Variants in TBC1D2 observed in about 807,000 individuals in gnomAD.
The protein encoded by TBC1D2 is TBC1 domain family member 2A.
Under a neutral mutation model 91.1 loss-of-function variants are expected in TBC1D2, and 58 were observed. That is an observed-to-expected ratio of 0.64 (90% confidence interval 0.52 to 0.79). TBC1D2 has a LOEUF of 0.79. TBC1D2 is among the 30% of genes least tolerant of loss of function. The pLI is 0.00. For synonymous variants in TBC1D2, 482 were observed against 511.5 expected (o/e 0.94, Z 0.78); for missense variants, 1,080 against 1,208.3 (o/e 0.89, Z 1.57).
rs528077566 is a variant in TBC1D2 at position 98,252,885 on chromosome 9, A to G, written c.370-959T>C. ...GCAACAGAGGCAAACTCCCTATCTC[A>G]GGGGTTCACTGGTGTGCACTATGCA... On this transcript the variant is annotated intron_variant, in intron 1 of 12. Coordinates refer to ENST00000465784, the MANE Select transcript of TBC1D2 (RefSeq NM_001267571.2). Among the ~76,000 whole-genome samples the G allele has an allele frequency of 5.3e-5, 8 of 152,158 alleles. No homozygotes were observed. The East Asian group carries it at 1.2e-3, about 22-fold the overall frequency.
At chr9:98,251,619 G>T (rs1005986899) in intron 2 of TBC1D2, among the ~76,000 whole-genome samples, 166 bp downstream of exon 2, 2 of 152,162 alleles carry the variant, frequency 1.3e-5, no homozygotes, top group Admixed American at 1.3e-4. Context: ...TTTGAACCCA[G>T]GCAGCCTGGC....
chr9:98,207,250 G>C (rs1828677934), intron 9 of TBC1D2, among the ~76,000 whole-genome samples: 1 of 152,170 alleles, frequency 6.6e-6, no homozygotes, highest in South Asian at 2.1e-4. Flanking sequence ...TTTGAGTAAG[G>C]ACACTGAATG....
intron 2 of TBC1D2, among the ~76,000 whole-genome samples, chr9:98,245,180 C>G (rs558195650): frequency 1.3e-5 from 2 of 152,142 alleles, no homozygotes; most frequent in Non-Finnish European, 2.9e-5. Context: ...GCGGAGCTTG[C>G]AGTGAGCCTA....
chr9:98,255,227 G>A lies in TBC1D2; in HGVS notation c.315C>T (p.Asp105=), dbSNP rs752948956. Residue 105 remains aspartate, a synonymous_variant, in exon 1 of 13, where the codon GAC becomes GAT. Transcript: ENST00000465784. The part of the protein sequence containing the change: ...LSSAVFDCKA[D]AEEGIFEIKT... ...TGATTTCGAAGATCCCCTCCTCAGC[G>A]TCCGCCTTACAGTCAAACACTGCAC... 1.9e-6 allele frequency: 3 copies of A among 1,613,362 alleles called. No homozygotes were observed. The highest frequency in any genetic ancestry group is 1.7e-4 in the Middle Eastern group (1 of 6,056).
chr9:98,210,883 G>A (rs1564237926), intron 7 of TBC1D2, 40 bp from the exon 8 acceptor site: 10 of 1,516,148 alleles, frequency 6.6e-6, no homozygotes, highest in Non-Finnish European at 7.1e-6. Flanking sequence ...CCGGGTGGGA[G>A]CTGGGCCGCC....
Position 98,251,924 on chromosome 9 carries a change from G to C in TBC1D2, c.372C>G (p.Ala124=). 1 of 1,598,246 alleles carries C rather than the reference G, an allele frequency of 6.3e-7. No individual in the cohort carries two copies. The highest frequency in any genetic ancestry group is 2.3e-5 in the East Asian group (1 of 43,192). Residue 124 remains alanine, a splice_region_variant and synonymous_variant, in exon 2 of 13, where the codon GCC becomes GCG. Transcript: ENST00000465784. ...AGTACAGCATCGCTTGCTTGGTGGC[G>C]GCCTGAGAAGCACAAGGATTAGTTG... The part of the protein sequence containing the change: ...KTPSRVITLK[A]ATKQAMLYWL...
intron 3 of TBC1D2, among the ~76,000 whole-genome samples, chr9:98,233,791 T>A (rs185397191): frequency 6.6e-6 from 1 of 152,316 alleles, no homozygotes; most frequent in Non-Finnish European, 1.5e-5. Flanking sequence ...AATACAAGCT[T>A]GACTTCCTTA....
intron 8 of TBC1D2, among the ~76,000 whole-genome samples, chr9:98,210,326 T>C (rs73486581): frequency 0.026 from 3,944 of 152,238 alleles, 176 homozygotes; most frequent in African/African-American, 0.09. Context: ...AAGGCCTTGG[T>C]GCAGAGGAGA....
At chr9:98,229,381 C>T (rs1050906071) in intron 4 of TBC1D2, among the ~76,000 whole-genome samples, 1 of 152,182 alleles carries the variant, frequency 6.6e-6, no homozygotes, top group Non-Finnish European at 1.5e-5. Context: ...AACCACTGGC[C>T]TACATAAACG....
intron 9 of TBC1D2, among the ~76,000 whole-genome samples, chr9:98,206,070 C>T (rs1588029703): frequency 1.3e-5 from 2 of 152,154 alleles, no homozygotes; most frequent in East Asian, 1.9e-4. Context: ...CTCACTGCAA[C>T]CTCTGCCTCC....
chr9:98,233,736 T>C (rs41283620), intron 3 of TBC1D2, among the ~76,000 whole-genome samples, 187 bp from the exon 4 acceptor site: 7,906 of 152,180 alleles, frequency 0.052, 329 homozygotes, highest in East Asian at 0.19. Flanking sequence ...CCTTTACCTA[T>C]CTCTTTCGCA....
At chr9:98,202,562 C>T (rs1272219187) in intron 10 of TBC1D2, among the ~76,000 whole-genome samples, 1 of 152,156 alleles carries the variant, frequency 6.6e-6, no homozygotes, top group Non-Finnish European at 1.5e-5. Flanking sequence ...ATGCCATTGA[C>T]CTACTGAAGG....
chr9:98,234,879 G>T (rs1011596994), intron 3 of TBC1D2: 1 of 209,854 alleles, frequency 4.8e-6, no homozygotes, highest in Non-Finnish European at 1.0e-5. Flanking sequence ...GCTTCGACAC[G>T]AGGAAAGTAA....
At chr9:98,244,282 C>G (rs574428695) in intron 2 of TBC1D2, among the ~76,000 whole-genome samples, 153 bp from the exon 3 acceptor site, 1 of 152,338 alleles carries the variant, frequency 6.6e-6, no homozygotes, top group East Asian at 1.9e-4. Flanking sequence ...TTAACAGCAG[C>G]AAAATAGGCT....
At chr9:98,212,977 C>G (rs1347958372) in intron 7 of TBC1D2, 131 bp downstream of exon 7, 1 of 970,022 alleles carries the variant, frequency 1.0e-6, no homozygotes, top group Non-Finnish European at 1.6e-6. Flanking sequence ...GATATGGGCC[C>G]TGCTCACAAG....
chr9:98,244,659 CAA>C (rs59871511), intron 2 of TBC1D2, among the ~76,000 whole-genome samples: 24 of 46,892 alleles, frequency 5.1e-4, no homozygotes, highest in African/African-American at 1.2e-3. Flanking sequence ...AACTCCGTCT[CAA>C]AAAAAAAAAA....
At chr9:98,221,270 C>T (rs1296708627) in intron 5 of TBC1D2, 42 bp from the exon 6 acceptor site, 2 of 1,492,404 alleles carry the variant, frequency 1.3e-6, no homozygotes, top group Non-Finnish European at 9.0e-7. Flanking sequence ...TCAGGGAGGG[C>T]CTGCTGGGCG....
Position 98,199,412 on chromosome 9 carries a change from G to A in TBC1D2, c.2756C>T (p.Ala919Val). The part of the protein sequence containing the change: ...SRRRAVSEGC[A>V]SEDEVEGEA ...TTCCCCCTCCACCTCGTCCTCGCTG[G>A]CACAGCCCTCGGACACAGCTCTGCG... Residue 919 changes from alanine (A) to valine (V), a missense_variant, in exon 13 of 13, where the codon GCC becomes GTC. Transcript: ENST00000465784. 1 of 1,613,668 alleles carries A rather than the reference G, an allele frequency of 6.2e-7. No individual in the cohort carries two copies. Among genetic ancestry groups the A allele is most frequent in the South Asian group, 1.1e-5 (1 of 91,066 alleles).
intron 12 of TBC1D2, 112 bp downstream of exon 12, chr9:98,200,141 G>A (rs1292075927): frequency 1.3e-5 from 19 of 1,433,986 alleles, no homozygotes; most frequent in Admixed American, 1.2e-4. Flanking sequence ...GCTATAATAC[G>A]AGCATCAGCG....
Sources: gnomAD v4.1 joint callset for allele counts (sites outside exome capture counted in the v4.1 genomes callset) on GRCh38, gnomAD v4.1.1 for gene constraint, MANE v1.5 for transcripts, NCBI Gene and HGNC (gene_info 2026-07-23, HGNC 2026-07-21) for gene names.